Variants in TAFA2 observed in about 807,000 individuals in gnomAD.
TAFA2 encodes TAFA chemokine like family member 2.
In TAFA2, 7 loss-of-function variants were observed where a neutral mutation model predicts 18.8. The observed-to-expected ratio is 0.37, with a 90% CI of 0.21 to 0.70. The LOEUF (loss-of-function observed/expected upper bound fraction) is 0.70. Among genes scored for constraint, TAFA2 ranks in the 30% least tolerant of loss-of-function variants. The pLI is 0.53. For missense variants in TAFA2, 122 were observed against 158.1 expected, an observed-to-expected ratio of 0.77 and a Z score of 1.23; for synonymous variants, 60 against 54.2, an observed-to-expected ratio of 1.11 and a Z score of -0.47.
At chr12:61,865,923 AG>A in intron 2 of TAFA2, among the ~76,000 whole-genome samples, 1 of 81,732 alleles carries the variant, frequency 1.2e-5, no homozygotes, top group South Asian at 5.4e-4. Context: ...AGTCCACGGC[AG>A]GGCTTGGCCC....
intron 1 of TAFA2, among the ~76,000 whole-genome samples, chr12:62,231,007 T>C (rs1257523442): frequency 2.0e-5 from 3 of 152,208 alleles, no homozygotes; most frequent in African/African-American, 7.2e-5. Context: ...GAGAAAAATA[T>C]GTATTCTGCA....
chr12:62,116,641 G>A (rs542870802), intron 1 of TAFA2, among the ~76,000 whole-genome samples: 23 of 146,488 alleles, frequency 1.6e-4, no homozygotes, highest in Middle Eastern at 3.4e-3. Context: ...GCTTTCTCAC[G>A]TACATCTGTG....
At chr12:62,187,430 A>T (rs1592390675) in intron 1 of TAFA2, among the ~76,000 whole-genome samples, 1 of 152,112 alleles carries the variant, frequency 6.6e-6, no homozygotes, top group South Asian at 2.1e-4. Context: ...CATTCTACAA[A>T]GTTGTTCTGA....
intron 1 of TAFA2, among the ~76,000 whole-genome samples, chr12:61,981,747 A>C (rs1446363875): frequency 1.3e-5 from 2 of 152,228 alleles, no homozygotes; most frequent in African/African-American, 4.8e-5. Flanking sequence ...TGCAAATCAA[A>C]ACCACAATGA....
chr12:61,792,112 C>A (rs1456783045), intron 2 of TAFA2, among the ~76,000 whole-genome samples: 3 of 151,358 alleles, frequency 2.0e-5, no homozygotes, highest in African/African-American at 7.3e-5. Flanking sequence ...AAGTTAGATA[C>A]AAAAGGAAAA....
chr12:61,834,135 A>G (rs936963102), intron 2 of TAFA2, among the ~76,000 whole-genome samples: 1 of 152,052 alleles, frequency 6.6e-6, no homozygotes, highest in South Asian at 2.1e-4. Flanking sequence ...AAATGCTTTT[A>G]TATACACTAG....
chr12:62,246,343 A>G (rs187083549), intron 1 of TAFA2, among the ~76,000 whole-genome samples: 35 of 152,232 alleles, frequency 2.3e-4, no homozygotes, highest in Admixed American at 5.9e-4. Flanking sequence ...GATTTATTTT[A>G]CCATGAACCA....
chr12:61,880,045 C>T, intron 1 of TAFA2: 1 of 704,710 alleles, frequency 1.4e-6, no homozygotes, highest in Non-Finnish European at 2.6e-6. Context: ...TGATCTCGGA[C>T]ACGTCTGTGG....
intron 1 of TAFA2, among the ~76,000 whole-genome samples, chr12:61,885,249 A>G (rs1179204356): frequency 6.6e-6 from 1 of 152,192 alleles, no homozygotes; most frequent in Non-Finnish European, 1.5e-5. Context: ...CTAGCATATC[A>G]TCCTACAGCA....
chr12:62,092,177 G>A (rs1228077652), intron 1 of TAFA2, among the ~76,000 whole-genome samples: 1 of 151,818 alleles, frequency 6.6e-6, no homozygotes, highest in Non-Finnish European at 1.5e-5. Context: ...AAGAGCATGG[G>A]AACCAGCTCT....
intron 1 of TAFA2, among the ~76,000 whole-genome samples, chr12:62,240,738 C>T (rs1057244177): frequency 5.3e-5 from 8 of 152,168 alleles, no homozygotes; most frequent in Admixed American, 3.3e-4. Flanking sequence ...GGCCACGGAC[C>T]GGTAGCAGTC....
chr12:61,937,620 T>C (rs978757966), intron 1 of TAFA2, among the ~76,000 whole-genome samples: 1 of 152,190 alleles, frequency 6.6e-6, no homozygotes, highest in African/African-American at 2.4e-5. Flanking sequence ...AGAATGAACC[T>C]GGATCCCTAT....
At chr12:62,101,616 T>C (rs1334198517) in intron 1 of TAFA2, among the ~76,000 whole-genome samples, 1 of 152,174 alleles carries the variant, frequency 6.6e-6, no homozygotes, top group Non-Finnish European at 1.5e-5. Context: ...GAGCAATCCA[T>C]CAGATGGCAT....
intron 2 of TAFA2, among the ~76,000 whole-genome samples, chr12:61,836,598 A>T (rs1332538450): frequency 6.6e-6 from 1 of 151,716 alleles, no homozygotes; most frequent in Non-Finnish European, 1.5e-5. Flanking sequence ...ATTCCTTAAC[A>T]AAATCAAAGC....
At chr12:61,915,284 G>A (rs1001447255) in intron 1 of TAFA2, among the ~76,000 whole-genome samples, 2 of 152,166 alleles carry the variant, frequency 1.3e-5, no homozygotes, top group Non-Finnish European at 2.9e-5. Context: ...ACAAAAATAC[G>A]TAATCCATAT....
intron 1 of TAFA2, among the ~76,000 whole-genome samples, chr12:61,871,350 G>T (rs1874594119): frequency 1.3e-5 from 2 of 152,116 alleles, no homozygotes; most frequent in Non-Finnish European, 2.9e-5. Flanking sequence ...GAGGGACATT[G>T]CCTTCTTTCT....
chr12:61,899,067 A>G (rs1875982705), intron 1 of TAFA2, among the ~76,000 whole-genome samples: 1 of 152,198 alleles, frequency 6.6e-6, no homozygotes, highest in Admixed American at 6.5e-5. Flanking sequence ...CCAGTTCCCA[A>G]GAAATTCTTC....
chr12:61,825,539 C>T (rs1049942188), intron 2 of TAFA2, among the ~76,000 whole-genome samples: 1 of 152,062 alleles, frequency 6.6e-6, no homozygotes, highest in African/African-American at 2.4e-5. Flanking sequence ...ACCGCTAAAA[C>T]TGCACTTTCA....
chr12:62,021,871 C>G, intron 1 of TAFA2: 1 of 767,984 alleles, frequency 1.3e-6, no homozygotes, highest in East Asian at 2.5e-5. Flanking sequence ...CCTCCGTCCT[C>G]GGAGTTTCCC....
Sources: allele counts gnomAD v4.1 joint callset (sites outside exome capture counted in the v4.1 genomes callset), GRCh38; gene constraint gnomAD v4.1.1; transcripts MANE v1.5; gene names NCBI Gene and HGNC (gene_info 2026-07-23, HGNC 2026-07-21).